Variants in CACNA1H observed in about 807,000 individuals in gnomAD.
CACNA1H encodes calcium voltage-gated channel subunit alpha1 H.
Under a neutral mutation model 192.5 loss-of-function variants are expected in CACNA1H, and 149 were observed. That is an observed-to-expected ratio of 0.77 (90% CI 0.68 to 0.89). The LOEUF (loss-of-function observed/expected upper bound fraction) is 0.89. Among genes scored for constraint, CACNA1H ranks in the 40% least tolerant of loss-of-function variants. The probability of loss-of-function intolerance (pLI) is 0.00; values close to 1 mark genes in which losing one functional copy is unlikely to be tolerated. For synonymous variants in CACNA1H, 2,202 were observed against 1,475.2 expected, an observed-to-expected ratio of 1.49 and a Z score of -11.29; for missense variants, 4,257 against 3,423.5, an observed-to-expected ratio of 1.24 and a Z score of -6.08.
At chr16:1,176,118 A>AT (rs1417933929) in intron 2 of CACNA1H, among the ~76,000 whole-genome samples, 1 of 152,182 alleles carries the variant, frequency 6.6e-6, no homozygotes, top group Admixed American at 6.5e-5. Flanking sequence ...GGCTTGCATA[A>AT]TGGCTCAGCT....
At position 1,221,649 on chromosome 16, in the gene CACNA1H, C is replaced by T. The variant is rs776990772; in HGVS notation, c.*655C>T. 3.3e-5 allele frequency: 32 copies of T among 964,652 alleles called. No homozygotes were observed. Among genetic ancestry groups the T allele is most frequent in the Non-Finnish European group, 4.1e-5 (27 of 665,450 alleles). 59.8% of individuals were successfully genotyped at this position (964,652 alleles called of 1,614,324 possible). A position where few individuals can be genotyped will look rare whatever the true frequency, so the allele number is the denominator to read the frequency against. On this transcript the variant is annotated 3_prime_UTR_variant, in exon 35 of 35. Transcript: ENST00000348261. Reference sequence around the variant, plus strand: ...GTTGGCCGCGAGATTCCCATTGACACCTTTGTTTCGTGTGCTTTTAAATTC... The same window carrying T: ...GTTGGCCGCGAGATTCCCATTGACATCTTTGTTTCGTGTGCTTTTAAATTC...
intron 2 of CACNA1H, among the ~76,000 whole-genome samples, chr16:1,162,101 C>T (rs184713041): frequency 1.3e-5 from 2 of 152,256 alleles, no homozygotes; most frequent in East Asian, 3.9e-4. Flanking sequence ...CCCTCCTGGC[C>T]TCTGGGTGTG....
chr16:1,209,564 G>C, intron 17 of CACNA1H, 152 bp downstream of exon 17: 1 of 920,080 alleles, frequency 1.1e-6, no homozygotes, highest in South Asian at 1.7e-5. Context: ...GAGGAATCCA[G>C]CAGTGTTCAG....
chr16:1,204,200 G>T lies in CACNA1H; in HGVS notation c.2193G>T (p.Thr731=), dbSNP rs374261511. ...ATGGCCGTGGCGTCTATGAATTCACGCAGGACGTCCGGCACGGTGACCGCT... is the reference window on the plus strand; with the variant it reads ...ATGGCCGTGGCGTCTATGAATTCACTCAGGACGTCCGGCACGGTGACCGCT... ...DSDGRGVYEF[T]QDVRHGDRWD... is the part of the protein sequence containing the mutation. The change falls in exon 10 of 35, where the codon ACG becomes ACT. Residue 731 remains threonine, a synonymous_variant. Coordinates refer to ENST00000348261, the MANE Select transcript of CACNA1H (RefSeq NM_021098.3). 1.8e-5 allele frequency: 29 copies of T among 1,612,032 alleles called. No individual in the cohort carries two copies. Among genetic ancestry groups the T allele is most frequent in the Non-Finnish European group, 2.3e-5 (27 of 1,179,628 alleles).
At chr16:1,205,694 C>T (rs1051133334) in intron 11 of CACNA1H, among the ~76,000 whole-genome samples, 1 of 152,168 alleles carries the variant, frequency 6.6e-6, no homozygotes, top group Non-Finnish European at 1.5e-5. Flanking sequence ...GGAAACGCCC[C>T]CGGTCTTCCC....
intron 30 of CACNA1H, among the ~76,000 whole-genome samples, chr16:1,215,944 G>A (rs1387100753): frequency 6.6e-6 from 1 of 152,068 alleles, no homozygotes; most frequent in Non-Finnish European, 1.5e-5. Context: ...TGCAGGCGTC[G>A]GCTGCGGGCC....
intron 2 of CACNA1H, among the ~76,000 whole-genome samples, chr16:1,190,199 C>A (rs1966475344): frequency 6.6e-6 from 1 of 152,256 alleles, no homozygotes; most frequent in Non-Finnish European, 1.5e-5. Flanking sequence ...CCAGCAGGCC[C>A]CCTCCCAGGG....
At position 1,153,770 on chromosome 16, in the gene CACNA1H, C is replaced by A. The variant is rs1466173195; in HGVS notation, c.33C>A (p.Val11=). The change falls in exon 2 of 35, where the codon GTC becomes GTA. Residue 11 remains valine, a synonymous_variant. Transcript: ENST00000348261. MTEGARAADE[V]RVPLGAPPPG... is the part of the protein sequence containing the mutation. ...AGGGCGCACGGGCCGCCGACGAGGT[C>A]CGGGTGCCCCTGGGCGCGCCGCCCC... 1 of 1,220,946 alleles carries A rather than the reference C, an allele frequency of 8.2e-7. No homozygotes were observed. The highest frequency in any genetic ancestry group is 3.5e-5 in the South Asian group (1 of 28,434). 75.6% of individuals were successfully genotyped at this position (1,220,946 alleles called of 1,614,324 possible). A position where few individuals can be genotyped will look rare whatever the true frequency, so the allele number is the denominator to read the frequency against.
In CACNA1H at chr16:1,221,612, A is replaced by G. The variant is rs922057355; in HGVS notation, c.*618A>G. 1.4e-6 allele frequency: 1 copy of G among 705,322 alleles called. No individual in the cohort carries two copies. Among genetic ancestry groups the G allele is most frequent in the Non-Finnish European group, 2.3e-6 (1 of 439,416 alleles). The allele number at this position is 705,322 out of a possible 1,614,324, so 43.7% of individuals were successfully genotyped here. ...CCCCGATGCGAATCAGGCCTCCCCTACATCTGGGGGCGTTGGCCGCGAGAT... is the reference window on the plus strand; with the variant it reads ...CCCCGATGCGAATCAGGCCTCCCCTGCATCTGGGGGCGTTGGCCGCGAGAT... On this transcript the variant is annotated 3_prime_UTR_variant, in exon 35 of 35. Transcript: ENST00000348261.
chr16:1,179,062 A>G (rs542858575), intron 2 of CACNA1H, among the ~76,000 whole-genome samples: 2 of 152,248 alleles, frequency 1.3e-5, no homozygotes, highest in African/African-American at 4.8e-5. Context: ...ACCCGTGGAC[A>G]CCAGGCTGTG....
rs964108081 is a variant in CACNA1H at position 1,218,506 on chromosome 16, G to C, written c.5742G>C (p.Leu1914=). The C allele has an allele frequency of 4.5e-6, 7 of 1,553,120 alleles. No homozygotes were observed. In the African/African-American group the frequency reaches 8.2e-5, roughly 18 times the overall value. The change falls in exon 33 of 35, where the codon CTG becomes CTC. Residue 1914 remains leucine (L), a synonymous_variant. Transcript: ENST00000348261. ...ESPGARDAPN[L]VARKVSVSRM... Reference sequence around the variant, plus strand: ...CGGGCGCCAGGGACGCCCCAAACCTGGTTGCACGCAAGGTGTCCGTGTCCA... The same window carrying C: ...CGGGCGCCAGGGACGCCCCAAACCTCGTTGCACGCAAGGTGTCCGTGTCCA...
At chr16:1,203,906 T>TG (rs201732928) in intron 9 of CACNA1H, 104 bp from the exon 10 acceptor site, 9,600 of 796,768 alleles carry the variant, frequency 0.012, 235 homozygotes, top group Admixed American at 0.063. Context: ...TGGATCTTTC[T>TG]GGGGGGGACA....
At chr16:1,187,857 C>A (rs183246517) in intron 2 of CACNA1H, among the ~76,000 whole-genome samples, 1 of 152,342 alleles carries the variant, frequency 6.6e-6, no homozygotes, top group Non-Finnish European at 1.5e-5. Flanking sequence ...GAGGGGCACA[C>A]AGCCCCGCCT....
intron 2 of CACNA1H, among the ~76,000 whole-genome samples, chr16:1,172,755 C>T (rs1470042904): frequency 6.6e-6 from 1 of 152,036 alleles, no homozygotes; most frequent in Non-Finnish European, 1.5e-5. Flanking sequence ...CCGGGGCACC[C>T]AGGGGCGGAG....
In CACNA1H at chr16:1,204,071, C is replaced by A; in HGVS notation, c.2064C>A (p.Pro688=). ...GLSVPCPLPS[P]PAGTLTCELK... ...GTGTGCCCTGCCCCCTGCCCAGCCCCCCAGCGGGCACACTGACCTGTGAGC... is the reference window on the plus strand; with the variant it reads ...GTGTGCCCTGCCCCCTGCCCAGCCCACCAGCGGGCACACTGACCTGTGAGC... The change falls in exon 10 of 35, where the codon CCC becomes CCA. Residue 688 remains proline (P), a synonymous_variant. Transcript: ENST00000348261. 6.2e-7 allele frequency: 1 copy of A among 1,603,170 alleles called. No individual in the cohort carries two copies. Among genetic ancestry groups the A allele is most frequent in the Non-Finnish European group, 8.5e-7 (1 of 1,175,792 alleles).
At chr16:1,214,747 G>T (rs990273664) in intron 27 of CACNA1H, among the ~76,000 whole-genome samples, 4 of 152,146 alleles carry the variant, frequency 2.6e-5, no homozygotes, top group Non-Finnish European at 5.9e-5. Flanking sequence ...GATGCTGGGA[G>T]GGTACCTTTC....
In CACNA1H at chr16:1,210,847, C is replaced by CT. The variant is rs1305886041; in HGVS notation, c.4100dup (p.Asp1368GlyfsTer273). 6.2e-7 allele frequency: 1 copy of CT among 1,605,178 alleles called. No individual in the cohort carries two copies. Among genetic ancestry groups the CT allele is most frequent in the Admixed American group, 1.7e-5 (1 of 60,018 alleles). Reference sequence around the variant, plus strand: ...CTACCTGCAGAGCAGCTGGAACCTGCTGGATGGGCTGCTGGTGCTGGTGTC... The same window carrying CT: ...CTACCTGCAGAGCAGCTGGAACCTGCTTGGATGGGCTGCTGGTGCTGGTGTC... On this transcript the variant is annotated frameshift_variant, in exon 21 of 35. Coordinates refer to ENST00000348261, the MANE Select transcript of CACNA1H (RefSeq NM_021098.3). LOFTEE classifies it high-confidence loss of function.
At chr16:1,195,389 A>C (rs1175240335) in intron 3 of CACNA1H, 43 bp from the exon 4 acceptor site, 1 of 1,549,048 alleles carries the variant, frequency 6.5e-7, no homozygotes, top group Non-Finnish European at 8.7e-7. Context: ...TTGTGGGCTG[A>C]GCTGAGCTGT....
intron 2 of CACNA1H, among the ~76,000 whole-genome samples, chr16:1,162,374 G>GC (rs543863275): frequency 1.8e-4 from 27 of 152,142 alleles, no homozygotes; most frequent in South Asian, 1.2e-3. Context: ...TCACCTGTGG[G>GC]CCCCCCCGGA....
Sources: allele counts gnomAD v4.1 joint callset (sites outside exome capture counted in the v4.1 genomes callset), GRCh38; gene constraint gnomAD v4.1.1; transcripts MANE v1.5; gene names NCBI Gene and HGNC (gene_info 2026-07-23, HGNC 2026-07-21).